Variants in ATG10 observed in about 807,000 individuals in gnomAD.
ATG10 encodes autophagy related 10, also known as ubiquitin-like-conjugating enzyme ATG10.
In ATG10, 30 loss-of-function variants were observed where a neutral mutation model predicts 32.1. The observed-to-expected ratio is 0.94, with a 90% CI of 0.70 to 1.27. The LOEUF is 1.27. Ranked by LOEUF, ATG10 falls within the 50% of genes most tolerant of loss-of-function variation. The pLI, the probability that ATG10 is intolerant of heterozygous loss-of-function variation, is 0.00. For missense variants in ATG10, 233 were observed against 262.3 expected (o/e 0.89, Z 0.77); for synonymous variants, 87 against 91.5 (o/e 0.95, Z 0.28).
chr5:82,239,347 C>T (rs926331318), intron 5 of ATG10, among the ~76,000 whole-genome samples: 11 of 152,094 alleles, frequency 7.2e-5, no homozygotes, highest in Admixed American at 3.3e-4. Flanking sequence ...TATTGAGTAC[C>T]TACTAGATGA....
chr5:82,137,945 G>C (rs1766833883), intron 3 of ATG10, among the ~76,000 whole-genome samples: 1 of 152,206 alleles, frequency 6.6e-6, no homozygotes, highest in East Asian at 1.9e-4. Flanking sequence ...AATCCAGAGA[G>C]GTAGTCTGGC....
Position 82,164,337 on chromosome 5 carries a change from C to T in ATG10, c.217-62C>T. 2.7e-6 allele frequency: 4 copies of T among 1,497,042 alleles called. No homozygotes were observed. In the Admixed American group the frequency reaches 7.0e-5, roughly 26 times the overall value. The allele number at this position is 1,497,042 out of a possible 1,614,324, so 92.7% of individuals were successfully genotyped here. A position where few individuals can be genotyped will look rare whatever the true frequency, so the allele number is the denominator to read the frequency against. On this transcript the variant is annotated intron_variant, in intron 3 of 7. Coordinates refer to ENST00000282185, the MANE Select transcript of ATG10 (RefSeq NM_031482.5). ...TGAGAAGAAAATCTCCTCTTTTCCT[C>T]TCCATGTTAGTACTTTTCTTATTAA...
At chr5:82,010,957 A>G (rs1762111187) in intron 2 of ATG10, among the ~76,000 whole-genome samples, 1 of 152,224 alleles carries the variant, frequency 6.6e-6, no homozygotes, top group South Asian at 2.1e-4. Flanking sequence ...AAATAAACTT[A>G]GCACCAAGGT....
At chr5:82,246,465 G>A (rs1747038920) in intron 5 of ATG10, among the ~76,000 whole-genome samples, 1 of 150,972 alleles carries the variant, frequency 6.6e-6, no homozygotes, top group Non-Finnish European at 1.5e-5. Flanking sequence ...AAGGTGGAAG[G>A]ATCGATGAGT....
chr5:81,983,712 G>A (rs892905334), intron 1 of ATG10, among the ~76,000 whole-genome samples: 2 of 151,878 alleles, frequency 1.3e-5, no homozygotes, highest in Admixed American at 1.3e-4. Context: ...CAGATGGGGT[G>A]GCTGCCGGGC....
intron 2 of ATG10, chr5:82,009,780 G>A: frequency 6.2e-7 from 1 of 1,607,160 alleles, no homozygotes. Flanking sequence ...ATTTGTGTTG[G>A]GTCCAGCATT....
At chr5:82,122,620 A>G (rs980927578) in intron 3 of ATG10, among the ~76,000 whole-genome samples, 1 of 152,240 alleles carries the variant, frequency 6.6e-6, no homozygotes, top group Non-Finnish European at 1.5e-5. Flanking sequence ...ACATCTGACA[A>G]TGGTCTAATA....
At chr5:81,982,121 A>C (rs1761065554) in intron 1 of ATG10, among the ~76,000 whole-genome samples, 1 of 152,270 alleles carries the variant, frequency 6.6e-6, no homozygotes, top group African/African-American at 2.4e-5. Flanking sequence ...AAACAAAACA[A>C]CACAACTCTT....
At chr5:82,227,627 C>T (rs963920340) in intron 5 of ATG10, among the ~76,000 whole-genome samples, 4 of 152,030 alleles carry the variant, frequency 2.6e-5, no homozygotes, top group Non-Finnish European at 5.9e-5. Flanking sequence ...CCGCCTGCCT[C>T]GGCCTCCCAA....
At chr5:82,161,106 T>A (rs371434187) in intron 3 of ATG10, among the ~76,000 whole-genome samples, 1 of 152,278 alleles carries the variant, frequency 6.6e-6, no homozygotes, top group East Asian at 1.9e-4. Context: ...ATTGCATGAC[T>A]TCAAGGAATG....
At chr5:82,143,667 G>C (rs1676826077) in intron 3 of ATG10, among the ~76,000 whole-genome samples, 1 of 152,234 alleles carries the variant, frequency 6.6e-6, no homozygotes, top group South Asian at 2.1e-4. Context: ...GTCAAAGACA[G>C]ATTGGAGACA....
At chr5:82,133,827 C>G (rs905622373) in intron 3 of ATG10, among the ~76,000 whole-genome samples, 1 of 152,036 alleles carries the variant, frequency 6.6e-6, no homozygotes, top group Non-Finnish European at 1.5e-5. Flanking sequence ...GCCATTTTCA[C>G]GATACTGATT....
rs138694406 is a variant in ATG10, at chr5:82,095,215, G to A, written c.216+36613G>A. Among the ~76,000 whole-genome samples, 76 of 152,298 alleles carry A rather than the reference G, an allele frequency of 5.0e-4. 1 individual carries two copies. The East Asian group carries it at 0.014, about 28-fold the overall frequency. ...GTAATTTGTTAGTTGGGAAGTCTGAGTGGTGGGAAGCTGGATCTGAGTCTG... is the reference window on the plus strand; with the variant it reads ...GTAATTTGTTAGTTGGGAAGTCTGAATGGTGGGAAGCTGGATCTGAGTCTG... On this transcript the variant is annotated intron_variant, in intron 3 of 7. Coordinates refer to ENST00000282185, the MANE Select transcript of ATG10 (RefSeq NM_031482.5).
intron 3 of ATG10, among the ~76,000 whole-genome samples, chr5:82,105,358 C>T (rs1253142628): frequency 2.0e-5 from 3 of 152,032 alleles, no homozygotes. Context: ...AGCTAATTTA[C>T]AGCTCTGAAA....
intron 3 of ATG10, among the ~76,000 whole-genome samples, chr5:82,108,163 T>G (rs1229750133): frequency 6.6e-6 from 1 of 152,056 alleles, no homozygotes; most frequent in Non-Finnish European, 1.5e-5. Flanking sequence ...ATGTTTTGAT[T>G]AAATAATACT....
At chr5:82,152,168 A>G (rs992821505) in intron 3 of ATG10, among the ~76,000 whole-genome samples, 11 of 152,240 alleles carry the variant, frequency 7.2e-5, no homozygotes, top group Admixed American at 2.0e-4. Flanking sequence ...TTCTGAATAG[A>G]TTTACATATT....
chr5:82,152,438 G>A (rs577734497), intron 3 of ATG10, among the ~76,000 whole-genome samples: 1 of 152,372 alleles, frequency 6.6e-6, no homozygotes, highest in Non-Finnish European at 1.5e-5. Flanking sequence ...TCATTTGCCT[G>A]CTATTTACAT....
chr5:81,985,043 T>A (rs1163264641), intron 1 of ATG10, among the ~76,000 whole-genome samples: 2 of 152,226 alleles, frequency 1.3e-5, no homozygotes, highest in Admixed American at 1.3e-4. Context: ...TGATGTTCAG[T>A]CATCTTGCTT....
At chr5:82,234,439 C>T (rs1746482691) in intron 5 of ATG10, among the ~76,000 whole-genome samples, 1 of 152,168 alleles carries the variant, frequency 6.6e-6, no homozygotes, top group Admixed American at 6.5e-5. Context: ...CCGTAAAACC[C>T]TGCCCTAGAT....
Sources: allele counts gnomAD v4.1 joint callset (sites outside exome capture counted in the v4.1 genomes callset), GRCh38; gene constraint gnomAD v4.1.1; transcripts MANE v1.5; gene names NCBI Gene and HGNC (gene_info 2026-07-23, HGNC 2026-07-21).